DSCAM: variants seen among roughly 807,000 people sequenced by gnomAD.
The protein encoded by DSCAM is cell adhesion molecule DSCAM.
In DSCAM, 47 loss-of-function variants were observed where a neutral mutation model predicts 217.7. The ratio of observed to expected loss-of-function variants is 0.22; its 90% CI spans 0.17 to 0.28. DSCAM has a LOEUF of 0.28. DSCAM is among the 10% of genes least tolerant of loss of function. The pLI is 1.00. For missense variants in DSCAM, 2,080 were observed against 2,618.3 expected (o/e 0.79, Z 4.49); for synonymous variants, 1,056 against 1,015.3 (o/e 1.04, Z -0.76).
At chr21:40,568,185 A>G (rs1239439696) in intron 3 of DSCAM, among the ~76,000 whole-genome samples, 2 of 152,198 alleles carry the variant, frequency 1.3e-5, no homozygotes, top group East Asian at 3.8e-4. Context: ...TTTCTAAGTC[A>G]CAACATCTTA....
intron 3 of DSCAM, chr21:40,618,925 G>A (rs59415168): frequency 0.15 from 22,433 of 152,188 alleles, 2,071 homozygotes; most frequent in East Asian, 0.29. Context: ...GACCCAGGAA[G>A]AAGGGGAGAG....
At position 40,508,833 on chromosome 21, in the gene DSCAM, T is replaced by G. The variant is rs372599286; in HGVS notation, c.509-139588A>C. Among the ~76,000 whole-genome samples, 49 of 137,758 alleles carry G rather than the reference T, an allele frequency of 3.6e-4. 1 individual carries two copies. The East Asian group carries it at 9.7e-3, about 27-fold the overall frequency. 90.4% of individuals were successfully genotyped at this position (137,758 alleles called of 152,430 possible). On this transcript the variant is annotated intron_variant, in intron 3 of 32. Transcript: ENST00000400454. ...TTTACTTTTTTATAGAGACAAGGTC[T>G]CTTTATGTTGCCCAGGCTGGTCTCA...
chr21:40,251,002 G>A (rs1364489274), intron 11 of DSCAM, among the ~76,000 whole-genome samples: 2 of 152,224 alleles, frequency 1.3e-5, no homozygotes, highest in Admixed American at 6.5e-5. Context: ...ATCCTGAAAA[G>A]GGAGTGGAGG....
chr21:40,054,513 G>A (rs1023165801), intron 29 of DSCAM, among the ~76,000 whole-genome samples: 3 of 152,198 alleles, frequency 2.0e-5, no homozygotes, highest in African/African-American at 2.4e-5. Context: ...CTGCCTTCCC[G>A]GCAGGAGGCA....
intron 3 of DSCAM, among the ~76,000 whole-genome samples, chr21:40,677,373 T>C (rs1568978709): frequency 6.6e-6 from 1 of 151,828 alleles, no homozygotes; most frequent in Non-Finnish European, 1.5e-5. Context: ...TATGAATCCC[T>C]GGTTAATCTG....
At chr21:40,280,036 G>A (rs2073738621) in intron 10 of DSCAM, among the ~76,000 whole-genome samples, 2 of 151,974 alleles carry the variant, frequency 1.3e-5, no homozygotes, top group South Asian at 2.1e-4. Context: ...CTACATGATA[G>A]GTTGATGGGT....
At chr21:40,203,608 A>T (rs1401016429) in intron 11 of DSCAM, among the ~76,000 whole-genome samples, 1 of 152,238 alleles carries the variant, frequency 6.6e-6, no homozygotes, top group African/African-American at 2.4e-5. Context: ...GTGGGTATTT[A>T]TGTTCTGAAT....
intron 16 of DSCAM, among the ~76,000 whole-genome samples, chr21:40,164,048 G>C (rs1257553485): frequency 1.3e-5 from 2 of 152,154 alleles, no homozygotes; most frequent in African/African-American, 4.8e-5. Context: ...CCAGCCATGA[G>C]GGATCAGAAC....
intron 17 of DSCAM, among the ~76,000 whole-genome samples, chr21:40,143,499 C>G (rs576465541): frequency 6.6e-6 from 1 of 152,200 alleles, no homozygotes; most frequent in Non-Finnish European, 1.5e-5. Context: ...CTCCGCAAAC[C>G]TGTGATCAAG....
At chr21:40,092,380 C>A (rs1032643359) in intron 21 of DSCAM, among the ~76,000 whole-genome samples, 1 of 152,186 alleles carries the variant, frequency 6.6e-6, no homozygotes. Context: ...ACATTTATTT[C>A]AGCAGTCAGC....
At chr21:40,335,902 T>C (rs1302332778) in intron 8 of DSCAM, among the ~76,000 whole-genome samples, 1 of 152,172 alleles carries the variant, frequency 6.6e-6, no homozygotes, top group Non-Finnish European at 1.5e-5. Context: ...CTGCTGGGCG[T>C]TACCATGAAT....
intron 11 of DSCAM, among the ~76,000 whole-genome samples, chr21:40,246,775 G>C (rs1358022418): frequency 6.6e-6 from 1 of 152,166 alleles, no homozygotes; most frequent in South Asian, 2.1e-4. Context: ...CAGGATGCAG[G>C]ACTTTCAATG....
At chr21:40,390,743 T>A (rs2075126763) in intron 3 of DSCAM, among the ~76,000 whole-genome samples, 1 of 152,108 alleles carries the variant, frequency 6.6e-6, no homozygotes, top group Admixed American at 6.5e-5. Flanking sequence ...TGTGTTTAAG[T>A]TTTCCCTCTT....
intron 3 of DSCAM, among the ~76,000 whole-genome samples, chr21:40,519,719 T>C (rs1362114507): frequency 6.6e-6 from 1 of 152,102 alleles, no homozygotes; most frequent in Non-Finnish European, 1.5e-5. Flanking sequence ...CTCAAGACCA[T>C]AACATAAAAA....
chr21:40,700,230 T>C (rs2090640660), intron 2 of DSCAM, among the ~76,000 whole-genome samples: 1 of 152,224 alleles, frequency 6.6e-6, no homozygotes, highest in South Asian at 2.1e-4. Flanking sequence ...TCCAGGACGA[T>C]GTAGAATAGA....
At chr21:40,563,517 AAATAT>A (rs199925147) in intron 3 of DSCAM, among the ~76,000 whole-genome samples, 5,526 of 145,740 alleles carry the variant, frequency 0.038, 307 homozygotes, top group African/African-American at 0.12. Flanking sequence ...TTGTAAAACA[AAATAT>A]ATCTATTTGT....
At position 40,291,199 on chromosome 21, in the gene DSCAM, A is replaced by C. The variant is rs373172096; in HGVS notation, c.2182+4856T>G. The stretch of plus-strand genomic sequence containing the variant: ...AATCCATTTGTCCCTCCTCCACTGC[A>C]GTCACCCTGGTTCCGGCCACATCCC... On this transcript the variant is annotated intron_variant, in intron 10 of 32. Transcript: ENST00000400454. Among the ~76,000 whole-genome samples the C allele has an allele frequency of 5.9e-4, 90 of 152,320 alleles. No individual in the cohort carries two copies. In the South Asian group the frequency reaches 8.9e-3, roughly 15 times the overall value.
intron 11 of DSCAM, among the ~76,000 whole-genome samples, chr21:40,202,098 C>A (rs1274943189): frequency 2.0e-5 from 3 of 152,178 alleles, no homozygotes. Flanking sequence ...CATGATATCA[C>A]CAGGATACCC....
At chr21:40,067,477 G>A (rs1261683648) in intron 27 of DSCAM, among the ~76,000 whole-genome samples, 1 of 152,090 alleles carries the variant, frequency 6.6e-6, no homozygotes, top group Non-Finnish European at 1.5e-5. Context: ...TTTTTTAAGT[G>A]GTGGAGATCT....
Sources: gnomAD v4.1 joint callset for allele counts (sites outside exome capture counted in the v4.1 genomes callset) on GRCh38, gnomAD v4.1.1 for gene constraint, MANE v1.5 for transcripts, NCBI Gene and HGNC (gene_info 2026-07-23, HGNC 2026-07-21) for gene names.